The following BCAS3 variants were observed in gnomAD, a reference collection of about 807,000 sequenced individuals.
BCAS3 encodes the protein BCAS3 microtubule associated cell migration factor.
In BCAS3, 53 loss-of-function variants were observed where a neutral mutation model predicts 116.1. The observed-to-expected ratio is 0.46, with a 90% CI of 0.37 to 0.57. The LOEUF (loss-of-function observed/expected upper bound fraction) is 0.57. Ranked by LOEUF, BCAS3 falls within the 20% of genes least tolerant of loss-of-function variation. The pLI is 0.00. For synonymous variants in BCAS3, 391 were observed against 408.2 expected, an observed-to-expected ratio of 0.96 and a Z score of 0.51; for missense variants, 917 against 1,165.4, an observed-to-expected ratio of 0.79 and a Z score of 3.10.
Position 60,874,668 on chromosome 17 carries a change from TGTC to T in BCAS3, c.594_596del (p.Val200del). On this transcript the variant is annotated inframe_deletion, in exon 9 of 24. Coordinates refer to ENST00000407086, the MANE Select transcript of BCAS3 (RefSeq NM_017679.5). ...TTTCTCTCTCTAATTTTAGGATCCT[TGTC>T]GTAGTCTTGCAGGAGAAAATTGCTG... The T allele has an allele frequency of 1.2e-6, 2 of 1,603,364 alleles. No homozygotes were observed. The highest frequency in any genetic ancestry group is 1.7e-6 in the Non-Finnish European group (2 of 1,172,126).
chr17:61,092,899 CTTTT>C (rs959718467), intron 22 of BCAS3, among the ~76,000 whole-genome samples: 4 of 79,544 alleles, frequency 5.0e-5, no homozygotes, highest in Admixed American at 4.7e-4. Context: ...TTTGTCCAGT[CTTTT>C]TTTTTTTTTT....
chr17:61,273,755 T>C (rs928469916), intron 22 of BCAS3, among the ~76,000 whole-genome samples: 1 of 151,512 alleles, frequency 6.6e-6, no homozygotes, highest in African/African-American at 2.4e-5. Flanking sequence ...TTAGAAGTTT[T>C]CTTTTTCTCT....
intron 7 of BCAS3, chr17:60,810,615 C>G (rs543126081): frequency 1.4e-6 from 1 of 705,144 alleles, no homozygotes; most frequent in Admixed American, 1.8e-5. Context: ...GTGCCTGCAT[C>G]GTTCTGCAAA....
At chr17:60,980,208 GGGCGGAAGCACTTTCTAAGT>G (rs1490990115) in intron 14 of BCAS3, among the ~76,000 whole-genome samples, 6 of 152,048 alleles carry the variant, frequency 3.9e-5, no homozygotes, top group African/African-American at 7.2e-5. Flanking sequence ...TTAAACTTCT[GGGCGGAAGCACTTTCTAAGT>G]GGCTACACCA....
rs1410873638 is a variant in BCAS3, at chr17:61,368,288, G to A, written c.2426-39G>A. ...AGACAAGAATGGCCTGCTCCCTGAA[G>A]GTGTGGACTCAACGTCAGATGTCCC... On this transcript the variant is annotated intron_variant, in intron 22 of 23. Coordinates refer to ENST00000407086, the MANE Select transcript of BCAS3 (RefSeq NM_017679.5). The surrounding 1 kb of genome is among the most constrained non-coding windows in gnomAD (Gnocchi z 6.0). The A allele has an allele frequency of 1.9e-6, 3 of 1,557,846 alleles. No individual in the cohort carries two copies. The highest frequency in any genetic ancestry group is 2.0e-4 in the Middle Eastern group (1 of 5,052).
intron 10 of BCAS3, among the ~76,000 whole-genome samples, chr17:60,893,963 G>C (rs551308064): frequency 6.6e-6 from 1 of 152,062 alleles, no homozygotes; most frequent in African/African-American, 2.4e-5. Flanking sequence ...CAGCCTTGTA[G>C]TATAGTTTGA....
Position 60,808,076 on chromosome 17 carries a change from G to T in BCAS3, c.476G>T (p.Gly159Val). 6.3e-7 allele frequency: 1 copy of T among 1,588,636 alleles called. No homozygotes were observed. The highest frequency in any genetic ancestry group is 8.6e-7 in the Non-Finnish European group (1 of 1,164,638). Residue 159 changes from glycine (G) to valine (V), a missense_variant and splice_region_variant, in exon 7 of 24, where the codon GGC becomes GTC. Gly to Val is a moderately radical substitution (Grantham distance 109). This residue lies in a region of BCAS3 where 807 missense variants were observed against 1,026.0 expected (regional missense o/e 0.79). Transcript: ENST00000407086. ...LGVCKSIGSS[G>V]TSPPYCCVDL... ...GTTTGTAAGAGCATTGGATCTTCTG[G>T]GTAAGGAAATTTTAAAAATTCTTTG...
rs142531782 is a variant in BCAS3, at chr17:60,973,340, A to G, written c.1222-16631A>G. ...CACCTGCCTTTGAGTGATCATAACT[A>G]TGTCACCACTTGTTGTAAAAGAGGC... On this transcript the variant is annotated intron_variant, in intron 14 of 23. Coordinates refer to ENST00000407086, the MANE Select transcript of BCAS3 (RefSeq NM_017679.5). Among the ~76,000 whole-genome samples, 123 of 152,160 alleles carry G rather than the reference A, an allele frequency of 8.1e-4. 1 individual carries two copies. The highest frequency in any genetic ancestry group is 9.4e-4 in the Non-Finnish European group (64 of 68,018).
chr17:61,156,566 A>G lies in BCAS3; in HGVS notation c.2425+72002A>G, dbSNP rs2077852574. Among the ~76,000 whole-genome samples, 1 of 151,896 alleles carries G rather than the reference A, an allele frequency of 6.6e-6. No homozygotes were observed. Among genetic ancestry groups the G allele is most frequent in the Admixed American group, 6.6e-5 (1 of 15,250 alleles). On this transcript the variant is annotated intron_variant, in intron 22 of 23. Transcript: ENST00000407086. This position sits in a 1 kb window ranked among gnomAD's most constrained non-coding sequence, Gnocchi z 4.7. ...TGCTTCTCTCTCTCACCTTCTCCCT[A>G]CCCAACCCCTGCCTCCCCTTTTATT...
intron 7 of BCAS3, among the ~76,000 whole-genome samples, chr17:60,823,568 A>G (rs1311417078): frequency 6.6e-6 from 1 of 152,158 alleles, no homozygotes; most frequent in Non-Finnish European, 1.5e-5. Context: ...TGTCTCTTAC[A>G]AACAAAACAA....
intron 4 of BCAS3, among the ~76,000 whole-genome samples, chr17:60,704,293 G>A (rs2036829219): frequency 2.0e-5 from 3 of 152,200 alleles, no homozygotes; most frequent in South Asian, 4.1e-4. Flanking sequence ...GTGCACACCC[G>A]GAATTAACGC....
At chr17:60,708,936 G>A (rs866471633) in intron 4 of BCAS3, among the ~76,000 whole-genome samples, 3 of 152,076 alleles carry the variant, frequency 2.0e-5, no homozygotes, top group Non-Finnish European at 2.9e-5. Context: ...TGGGATTATA[G>A]GTGTAAGCCA....
Position 60,961,616 on chromosome 17 carries a change from A to T in BCAS3, c.1221+14264A>T, listed in dbSNP as rs575353436. Among the ~76,000 whole-genome samples the T allele has an allele frequency of 2.5e-4, 38 of 152,312 alleles. No homozygotes were observed. Among genetic ancestry groups the T allele is most frequent in the African/African-American group, 8.7e-4 (36 of 41,580 alleles). On this transcript the variant is annotated intron_variant, in intron 14 of 23. Transcript: ENST00000407086. The surrounding 1 kb of genome is among the most constrained non-coding windows in gnomAD (Gnocchi z 4.8). Reference sequence around the variant, plus strand: ...ATTTCTCCTTTTTTATACTTAAAAAAATATACATATAAAATTTACTATCTT... The same window carrying T: ...ATTTCTCCTTTTTTATACTTAAAAATATATACATATAAAATTTACTATCTT...
At chr17:60,998,097 T>C (rs923297243) in intron 15 of BCAS3, among the ~76,000 whole-genome samples, 6 of 152,206 alleles carry the variant, frequency 3.9e-5, no homozygotes, top group Non-Finnish European at 8.8e-5. Context: ...ACATGACATA[T>C]TTGGTTTTCT....
At chr17:61,066,276 A>G (rs546308821) in intron 19 of BCAS3, among the ~76,000 whole-genome samples, 1 of 152,354 alleles carries the variant, frequency 6.6e-6, no homozygotes, top group East Asian at 1.9e-4. Flanking sequence ...AGGAAAGGGT[A>G]GAACAAGAAG....
rs926763179 is a variant in BCAS3, at chr17:61,116,994, A to T, written c.2425+32430A>T. 3.9e-5 allele frequency among the ~76,000 whole-genome samples: 6 copies of T among 152,100 alleles called. No homozygotes were observed. The South Asian group carries it at 1.2e-3, about 31-fold the overall frequency. ...GCTTCTTTGGAAGTTTCCTGTTTGA[A>T]GTTCAGGATTTAGCTTCTTTAATGT... On this transcript the variant is annotated intron_variant, in intron 22 of 23. Transcript: ENST00000407086.
At position 61,013,912 on chromosome 17, in the gene BCAS3, C is replaced by G. The variant is rs1351559599; in HGVS notation, c.1487-1839C>G. 6.6e-6 allele frequency among the ~76,000 whole-genome samples: 1 copy of G among 152,080 alleles called. No individual in the cohort carries two copies. The highest frequency in any genetic ancestry group is 1.5e-5 in the Non-Finnish European group (1 of 67,982). On this transcript the variant is annotated intron_variant, in intron 15 of 23. Transcript: ENST00000407086. This position sits in a 1 kb window ranked among gnomAD's most constrained non-coding sequence, Gnocchi z 4.4. ...GCACTTTTGACTTTTCACTACCTCT[C>G]AGGCTACCATTAGATACTGTGTGGT...
intron 7 of BCAS3, among the ~76,000 whole-genome samples, chr17:60,831,405 G>C (rs1054263876): frequency 6.6e-6 from 1 of 151,856 alleles, no homozygotes; most frequent in Admixed American, 6.6e-5. Context: ...TCGAACTCCT[G>C]ACCTCAGGTG....
chr17:60,702,145 T>C (rs534145189), intron 4 of BCAS3, among the ~76,000 whole-genome samples: 1 of 152,326 alleles, frequency 6.6e-6, no homozygotes, highest in African/African-American at 2.4e-5. Flanking sequence ...AACGTATAGA[T>C]GTAGTTGAAT....
Sources: gnomAD v4.1 joint callset for allele counts (sites outside exome capture counted in the v4.1 genomes callset) on GRCh38, gnomAD v4.1.1 for gene constraint, gnomAD v4.1.1 regional missense constraint, Gnocchi (gnomAD v3.1) non-coding constraint, MANE v1.5 for transcripts, NCBI Gene and HGNC (gene_info 2026-07-23, HGNC 2026-07-21) for gene names.